ICE1: variants seen among roughly 807,000 people sequenced by gnomAD.
ICE1 encodes the protein interactor of little elongation complex ELL subunit 1.
ICE1 carries 64 observed loss-of-function variants against 192.7 expected under a neutral mutation model. The observed-to-expected ratio is 0.33, with a 90% CI of 0.27 to 0.41. ICE1 has a LOEUF of 0.41. Ranked by LOEUF, ICE1 falls within the 10% of genes least tolerant of loss-of-function variation. The pLI is 1.00. For synonymous variants in ICE1, 1,010 were observed against 984.5 expected (o/e 1.03, Z -0.49); for missense variants, 2,708 against 2,696.0 (o/e 1.00, Z -0.10).
In ICE1 at chr5:5,423,017, G is replaced by A; in HGVS notation, c.84+18G>A. 5.2e-6 allele frequency: 7 copies of A among 1,357,416 alleles called. No homozygotes were observed. Among genetic ancestry groups the A allele is most frequent in the Non-Finnish European group, 6.7e-6 (7 of 1,050,274 alleles). The allele number at this position is 1,357,416 out of a possible 1,614,324, so 84.1% of individuals were successfully genotyped here. A position where few individuals can be genotyped will look rare whatever the true frequency, so the allele number is the denominator to read the frequency against. ...TGCAGCAGGTGCAGCACCTCCCGGG[G>A]CCCCGGGCGCGGGGGGGGACTCGGC... On this transcript the variant is annotated intron_variant, in intron 1 of 18. Coordinates refer to ENST00000296564, the MANE Select transcript of ICE1 (RefSeq NM_015325.3).
chr5:5,435,185 A>G (rs747573823), intron 1 of ICE1, among the ~76,000 whole-genome samples: 8 of 152,248 alleles, frequency 5.3e-5, no homozygotes, highest in Non-Finnish European at 1.0e-4. Context: ...ATGTGGTGGC[A>G]GTTCTGAAAG....
In ICE1 at chr5:5,444,300, T is replaced by C; in HGVS notation, c.398T>C (p.Leu133Pro). 6.4e-7 allele frequency: 1 copy of C among 1,566,686 alleles called. No individual in the cohort carries two copies. The highest frequency in any genetic ancestry group is 8.7e-7 in the Non-Finnish European group (1 of 1,153,652). ...AATTTCGTTATTAGGAAGAAGAAACTAGAAGCTAAGGTGAAGAAGCTGCAA... is the reference window on the plus strand; with the variant it reads ...AATTTCGTTATTAGGAAGAAGAAACCAGAAGCTAAGGTGAAGAAGCTGCAA... ...CLKSDAQKKK[L>P]EAKVKKLQEA... Residue 133 changes from leucine (L) to proline (P), a missense_variant, in exon 7 of 19, where the codon CTA becomes CCA. Coordinates refer to ENST00000296564, the MANE Select transcript of ICE1 (RefSeq NM_015325.3).
At chr5:5,488,704 T>C (rs1167569847) in intron 18 of ICE1, among the ~76,000 whole-genome samples, 9 of 152,186 alleles carry the variant, frequency 5.9e-5, no homozygotes, top group African/African-American at 1.7e-4. Context: ...ATATCTCTTA[T>C]TATGTTTTCT....
Position 5,489,152 on chromosome 5 carries a change from T to C in ICE1, c.6623T>C (p.Ile2208Thr), listed in dbSNP as rs767616970. The change falls in exon 19 of 19, where the codon ATA becomes ACA. Residue 2208 changes from isoleucine (I) to threonine (T), a missense_variant. Coordinates refer to ENST00000296564, the MANE Select transcript of ICE1 (RefSeq NM_015325.3). ...MFIQHAHDEDIPWGIQLAAVY... is the reference protein window; with the variant it reads ...MFIQHAHDEDTPWGIQLAAVY... ...CTGATCTGAAATTTCTTTTCAGATA[T>C]ACCATGGGGTATACAGTTAGCAGCC... is the stretch of plus-strand genomic sequence containing the variant. 9 of 1,610,020 alleles carry C rather than the reference T, an allele frequency of 5.6e-6. No homozygotes were observed. The highest frequency in any genetic ancestry group is 7.6e-6 in the Non-Finnish European group (9 of 1,178,832).
rs747464566 is a variant in ICE1, at chr5:5,457,584, G to C, written c.944G>C (p.Gly315Ala). Reference protein sequence around the residue: ...EVLVQSHRDGGSTEFVDHDHF... With the variant: ...EVLVQSHRDGASTEFVDHDHF... Reference sequence around the variant, plus strand: ...TTAGTACAAAGTCATCGTGACGGTGGTAGTACTGAATTTGTTGATCATGAT... The same window carrying C: ...TTAGTACAAAGTCATCGTGACGGTGCTAGTACTGAATTTGTTGATCATGAT... Residue 315 changes from glycine to alanine, a missense_variant, in exon 12 of 19, where the codon GGT becomes GCT. Around this residue, in one of 2 missense-constraint regions of ICE1, gnomAD observed 2,366 missense variants for 2,276.6 expected, o/e 1.04. Coordinates refer to ENST00000296564, the MANE Select transcript of ICE1 (RefSeq NM_015325.3). 7 of 1,613,974 alleles carry C rather than the reference G, an allele frequency of 4.3e-6. No individual in the cohort carries two copies. The South Asian group carries it at 6.6e-5, about 15-fold the overall frequency.
chr5:5,486,515 A>T (rs1281899120), intron 17 of ICE1, among the ~76,000 whole-genome samples: 1 of 152,178 alleles, frequency 6.6e-6, no homozygotes, highest in Admixed American at 6.5e-5. Context: ...CATTGGCCCT[A>T]CTGAAACCAT....
chr5:5,430,282 A>C (rs893821421), intron 1 of ICE1, among the ~76,000 whole-genome samples: 1 of 152,146 alleles, frequency 6.6e-6, no homozygotes, highest in Non-Finnish European at 1.5e-5. Context: ...CATAAATGAC[A>C]TCTGAATCTG....
intron 10 of ICE1, among the ~76,000 whole-genome samples, chr5:5,454,320 A>AC (rs1554014506): frequency 7.6e-4 from 115 of 151,002 alleles, no homozygotes; most frequent in African/African-American, 2.7e-3. Context: ...TCTGCCACCA[A>AC]TTTTTTTTTT....
chr5:5,435,774 A>G (rs966743511), intron 1 of ICE1, among the ~76,000 whole-genome samples: 7 of 147,042 alleles, frequency 4.8e-5, no homozygotes, highest in African/African-American at 1.5e-4. Flanking sequence ...GGTTCAAGTG[A>G]TTCTCCTGCC....
chr5:5,463,286 C>T lies in ICE1; in HGVS notation c.3952C>T (p.Pro1318Ser). The change falls in exon 13 of 19, where the codon CCA (proline) becomes TCA (serine). Residue 1318 changes from proline to serine, a missense_variant. By Grantham distance (74) the Pro-to-Ser change is moderately conservative. Coordinates refer to ENST00000296564, the MANE Select transcript of ICE1 (RefSeq NM_015325.3). ...TTGSSSHASE[P>S]TPQAAALDTE... is the part of the protein sequence containing the mutation. Reference sequence around the variant, plus strand: ...TGGCTCCTCATCACATGCTTCAGAACCAACCCCACAAGCAGCTGCCTTGGA... The same window carrying T: ...TGGCTCCTCATCACATGCTTCAGAATCAACCCCACAAGCAGCTGCCTTGGA... 5 of 1,613,538 alleles carry T rather than the reference C, an allele frequency of 3.1e-6. No individual in the cohort carries two copies. Among genetic ancestry groups the T allele is most frequent in the African/African-American group, 1.3e-5 (1 of 74,994 alleles).
chr5:5,444,341 T>A lies in ICE1; in HGVS notation c.424+15T>A. The A allele has an allele frequency of 6.4e-7, 1 of 1,558,024 alleles. No homozygotes were observed. The highest frequency in any genetic ancestry group is 8.7e-7 in the Non-Finnish European group (1 of 1,147,964). On this transcript the variant is annotated intron_variant, in intron 7 of 18. Transcript: ENST00000296564. Reference sequence around the variant, plus strand: ...GAAGCTGCAAGGTAAGTGGCACTATTGTTACCTGAAGTTTTCGGTCAGTAC... The same window carrying A: ...GAAGCTGCAAGGTAAGTGGCACTATAGTTACCTGAAGTTTTCGGTCAGTAC...
At chr5:5,485,885 G>T (rs1422793188) in intron 17 of ICE1, among the ~76,000 whole-genome samples, 1 of 152,154 alleles carries the variant, frequency 6.6e-6, no homozygotes, top group East Asian at 1.9e-4. Context: ...TGACCACGAG[G>T]ATAAAGTTCA....
chr5:5,448,077 TA>T (rs1327360341), intron 10 of ICE1, among the ~76,000 whole-genome samples, 180 bp downstream of exon 10: 1 of 152,226 alleles, frequency 6.6e-6, no homozygotes, highest in South Asian at 2.1e-4. Context: ...TATTGTCTTA[TA>T]AAATAATACA....
Position 5,422,863 on chromosome 5 carries a change from C to G in ICE1, c.-53C>G. On this transcript the variant is annotated 5_prime_UTR_variant, in exon 1 of 19. Transcript: ENST00000296564. The stretch of plus-strand genomic sequence containing the variant: ...GGCATCAGCAGAGACAGGACGGGGC[C>G]GACGCCGCGGGCCCCTGAGGCGTGC... The G allele has an allele frequency of 8.0e-7, 1 of 1,242,264 alleles. No individual in the cohort carries two copies. The highest frequency in any genetic ancestry group is 1.0e-6 in the Non-Finnish European group (1 of 983,464). 77.0% of individuals were successfully genotyped at this position (1,242,264 alleles called of 1,614,324 possible).
intron 3 of ICE1, among the ~76,000 whole-genome samples, chr5:5,439,520 T>C (rs1442910445): frequency 6.6e-6 from 1 of 152,222 alleles, no homozygotes; most frequent in African/African-American, 2.4e-5. Context: ...TTGCTGGAAT[T>C]ATTCTCTGCA....
In ICE1 at chr5:5,462,036, T is replaced by C; in HGVS notation, c.2702T>C (p.Val901Ala). The C allele has an allele frequency of 1.2e-6, 2 of 1,613,940 alleles. No homozygotes were observed. Among genetic ancestry groups the C allele is most frequent in the Non-Finnish European group, 1.7e-6 (2 of 1,179,878 alleles). ...GGCAACAAAACCGGTATGTCAACTG[T>C]AGCAAAATGTGATGGGGAAAGAGAT... ...NSGNKTGMSTVAKCDGERDDT... is the reference protein window; with the variant it reads ...NSGNKTGMSTAAKCDGERDDT... The change falls in exon 13 of 19, where the codon GTA becomes GCA. Residue 901 changes from valine to alanine, a missense_variant. Physicochemically the swap from Val to Ala is moderately conservative, Grantham distance 64. Transcript: ENST00000296564.
intron 13 of ICE1, 90 bp from the exon 14 acceptor site, chr5:5,466,244 T>TA: frequency 1.7e-6 from 2 of 1,172,552 alleles, no homozygotes; most frequent in South Asian, 3.5e-5. Context: ...TTTCAATAGA[T>TA]ACTTAAGTTT....
chr5:5,439,985 AG>A, intron 4 of ICE1, 72 bp downstream of exon 4: 1 of 1,102,324 alleles, frequency 9.1e-7, no homozygotes, highest in Non-Finnish European at 1.3e-6. Context: ...CATTTATTGG[AG>A]CAGATTTTTA....
intron 17 of ICE1, among the ~76,000 whole-genome samples, chr5:5,485,747 C>CA (rs770561618): frequency 2.6e-5 from 4 of 152,158 alleles, no homozygotes; most frequent in Non-Finnish European, 5.9e-5. Context: ...CAACAATACC[C>CA]AAAAATCACA....
Sources: gnomAD v4.1 joint callset for allele counts (sites outside exome capture counted in the v4.1 genomes callset) on GRCh38, gnomAD v4.1.1 for gene constraint, gnomAD v4.1.1 regional missense constraint, MANE v1.5 for transcripts, NCBI Gene and HGNC (gene_info 2026-07-23, HGNC 2026-07-21) for gene names.